AGBL4: variants seen among roughly 807,000 people sequenced by gnomAD.
The protein encoded by AGBL4 is AGBL carboxypeptidase 4.
A neutral mutation model predicts 66.4 loss-of-function variants in AGBL4; 58 were observed. The observed-to-expected ratio is 0.87, with a 90% CI of 0.71 to 1.09. The LOEUF (loss-of-function observed/expected upper bound fraction) is 1.09. AGBL4 is among the 50% of genes least tolerant of loss of function. AGBL4 has a pLI of 0.00. For synonymous variants in AGBL4, 234 were observed against 222.9 expected (o/e 1.05, Z -0.44); for missense variants, 579 against 631.0 (o/e 0.92, Z 0.88).
intron 3 of AGBL4, among the ~76,000 whole-genome samples, chr1:49,256,264 T>G (rs1027099423): frequency 6.6e-6 from 1 of 152,106 alleles, no homozygotes; most frequent in Admixed American, 6.6e-5. Flanking sequence ...TATACATATA[T>G]CAAAACATCA....
intron 3 of AGBL4, among the ~76,000 whole-genome samples, chr1:49,430,416 C>CA (rs1185785002): frequency 6.6e-6 from 1 of 152,158 alleles, no homozygotes; most frequent in African/African-American, 2.4e-5. Flanking sequence ...CTAGCTCACC[C>CA]ATGTGAATTC....
At chr1:49,319,847 T>C (rs1416671824) in intron 3 of AGBL4, among the ~76,000 whole-genome samples, 4 of 152,284 alleles carry the variant, frequency 2.6e-5, no homozygotes, top group East Asian at 3.9e-4. Flanking sequence ...ACCAATCTCA[T>C]TTCTTAGGCT....
rs748702449 is a variant in AGBL4 at position 49,851,463 on chromosome 1, C to T, written c.90G>A (p.Val30=). ...AIGGNVSKYI[V]LPTGYCGQPK... Reference sequence around the variant, plus strand: ...GCTGTCCACAATAGCCAGTTGGAAGCACTATATATTTGCTCACATTCCCTC... The same window carrying T: ...GCTGTCCACAATAGCCAGTTGGAAGTACTATATATTTGCTCACATTCCCTC... Residue 30 remains valine (V), a synonymous_variant, in exon 2 of 14, where the codon GTG becomes GTA. Transcript: ENST00000371839. The T allele has an allele frequency of 3.9e-6, 6 of 1,550,390 alleles. No homozygotes were observed. Among genetic ancestry groups the T allele is most frequent in the South Asian group, 2.4e-5 (2 of 83,908 alleles).
intron 1 of AGBL4, among the ~76,000 whole-genome samples, chr1:49,967,043 T>C (rs1657624896): frequency 6.6e-6 from 1 of 152,152 alleles, no homozygotes; most frequent in African/African-American, 2.4e-5. Flanking sequence ...CTGGGTCAAA[T>C]GGTATTTCTA....
intron 9 of AGBL4, among the ~76,000 whole-genome samples, chr1:48,611,500 C>T (rs977705246): frequency 4.6e-5 from 7 of 152,220 alleles, no homozygotes; most frequent in Admixed American, 6.5e-5. Flanking sequence ...ATAATATCTA[C>T]TTTGCAGTGG....
chr1:49,480,011 TTTTC>T (rs1646924619), intron 3 of AGBL4, among the ~76,000 whole-genome samples: 1 of 152,022 alleles, frequency 6.6e-6, no homozygotes, highest in South Asian at 2.1e-4. Flanking sequence ...CCGGCTCACA[TTTTC>T]TTTATCTAGT....
intron 4 of AGBL4, among the ~76,000 whole-genome samples, chr1:49,111,818 A>T (rs1024248798): frequency 6.6e-6 from 1 of 152,206 alleles, no homozygotes; most frequent in East Asian, 1.9e-4. Context: ...GTGCTCAGTA[A>T]ATATCTGTTA....
chr1:48,608,282 G>A (rs10888607), intron 9 of AGBL4, among the ~76,000 whole-genome samples: 132,391 of 152,198 alleles, frequency 0.87, 57,983 homozygotes, highest in Non-Finnish European at 0.91. Context: ...GTCTTCAGAA[G>A]AGGCCTGGGA....
chr1:49,313,367 T>C (rs956210110), intron 3 of AGBL4, among the ~76,000 whole-genome samples: 4 of 152,182 alleles, frequency 2.6e-5, no homozygotes, highest in African/African-American at 7.2e-5. Context: ...TAGAATGATT[T>C]ATAATCCTTT....
At chr1:49,912,016 G>A (rs978901016) in intron 1 of AGBL4, among the ~76,000 whole-genome samples, 1 of 152,160 alleles carries the variant, frequency 6.6e-6, no homozygotes, top group Non-Finnish European at 1.5e-5. Flanking sequence ...ATCCTGAGGG[G>A]CTAAGTCTCA....
intron 3 of AGBL4, among the ~76,000 whole-genome samples, chr1:49,484,018 T>C (rs995943905): frequency 6.6e-6 from 1 of 152,016 alleles, no homozygotes; most frequent in African/African-American, 2.4e-5. Context: ...TTATTGATCA[T>C]CAGAGAAATG....
intron 3 of AGBL4, among the ~76,000 whole-genome samples, chr1:49,652,093 A>T (rs1007317976): frequency 6.6e-6 from 1 of 152,166 alleles, no homozygotes; most frequent in African/African-American, 2.4e-5. Flanking sequence ...CATAAGGAAG[A>T]ATTTCAGAGC....
At chr1:49,448,045 T>C (rs1646197939) in intron 3 of AGBL4, among the ~76,000 whole-genome samples, 1 of 152,112 alleles carries the variant, frequency 6.6e-6, no homozygotes, top group African/African-American at 2.4e-5. Flanking sequence ...GTCAATGGTA[T>C]TTTCTCATAG....
rs1355569937 is a variant in AGBL4, at chr1:50,002,551, A to G, written c.34+21212T>C. On this transcript the variant is annotated intron_variant, in intron 1 of 13. Transcript: ENST00000371839. ...CGCCCGGCTAATTTTTTGTATTTTT[A>G]GTAGAGACGGGGTTTCACCGTGTTA... Among the ~76,000 whole-genome samples the G allele has an allele frequency of 2.6e-5, 4 of 151,132 alleles. No individual in the cohort carries two copies. The East Asian group carries it at 7.8e-4, about 29-fold the overall frequency.
At chr1:49,522,720 C>T (rs1650360733) in intron 3 of AGBL4, among the ~76,000 whole-genome samples, 1 of 152,084 alleles carries the variant, frequency 6.6e-6, no homozygotes, top group South Asian at 2.1e-4. Context: ...AGAGCTAGAC[C>T]ATGATCTGCC....
chr1:49,330,553 A>AT (rs1468453538), intron 3 of AGBL4, among the ~76,000 whole-genome samples: 2 of 152,226 alleles, frequency 1.3e-5, no homozygotes, highest in Non-Finnish European at 2.9e-5. Context: ...TTTCTATAGT[A>AT]TTTAACATTT....
Position 49,486,235 on chromosome 1 carries a change from C to T in AGBL4, c.282+211078G>A, listed in dbSNP as rs533694493. On this transcript the variant is annotated intron_variant, in intron 3 of 13. Transcript: ENST00000371839. The stretch of plus-strand genomic sequence containing the variant: ...CAAAATTTACTCTCAATTACCTTTA[C>T]GGAAATACAGAGAATCTTCACCTAT... 6.1e-4 allele frequency among the ~76,000 whole-genome samples: 93 copies of T among 152,108 alleles called. 1 individual carries two copies. The highest frequency in any genetic ancestry group is 6.8e-3 in the Middle Eastern group (2 of 294).
At chr1:48,746,054 T>C (rs1323753054) in intron 6 of AGBL4, among the ~76,000 whole-genome samples, 1 of 152,148 alleles carries the variant, frequency 6.6e-6, no homozygotes, top group Non-Finnish European at 1.5e-5. Context: ...TCACATTCTA[T>C]CCTCAAGAGA....
At chr1:49,486,625 C>T (rs1335920587) in intron 3 of AGBL4, among the ~76,000 whole-genome samples, 1 of 151,980 alleles carries the variant, frequency 6.6e-6, no homozygotes, top group African/African-American at 2.4e-5. Context: ...CTACCTATTT[C>T]ACTCTTGGTT....
Sources: allele counts gnomAD v4.1 joint callset (sites outside exome capture counted in the v4.1 genomes callset), GRCh38; gene constraint gnomAD v4.1.1; transcripts MANE v1.5; gene names NCBI Gene and HGNC (gene_info 2026-07-23, HGNC 2026-07-21).